Variants in PDZK1 observed in about 807,000 individuals in gnomAD.
PDZK1 encodes the protein PDZ domain containing 1.
A neutral mutation model predicts 38.1 loss-of-function variants in PDZK1; 23 were observed. The observed-to-expected ratio is 0.60, with a 90% CI of 0.43 to 0.85. The LOEUF is 0.85. Among genes scored for constraint, PDZK1 ranks in the 40% least tolerant of loss-of-function variants. PDZK1 has a pLI of 0.00. For synonymous variants in PDZK1, 98 were observed against 186.2 expected (o/e 0.53, Z 3.86); for missense variants, 297 against 504.3 (o/e 0.59, Z 3.94).
chr1:145,702,997 T>C (rs1458614822), intron 1 of PDZK1, among the ~76,000 whole-genome samples: 2 of 152,324 alleles, frequency 1.3e-5, no homozygotes, highest in African/African-American at 4.8e-5. Flanking sequence ...GGTCTATGCA[T>C]GGTCACCCAC....
intron 1 of PDZK1, among the ~76,000 whole-genome samples, chr1:145,696,744 A>T (rs1465089407): frequency 1.3e-5 from 2 of 152,200 alleles, no homozygotes; most frequent in African/African-American, 4.8e-5. Flanking sequence ...GTGTGTTTGA[A>T]AGGGAATGTG....
chr1:145,677,910 T>TAAAAAAAAAAA (rs71077285), intron 6 of PDZK1, among the ~76,000 whole-genome samples: 4 of 68,586 alleles, frequency 5.8e-5, no homozygotes, highest in African/African-American at 5.7e-5. Flanking sequence ...GTGTTAAAAG[T>TAAAAAAAAAAA]AAAAAAAAAA....
At chr1:145,687,450 G>A (rs1300104569) in intron 2 of PDZK1, among the ~76,000 whole-genome samples, 3 of 148,734 alleles carry the variant, frequency 2.0e-5, no homozygotes, top group Admixed American at 1.3e-4. Context: ...GCATGAACCC[G>A]GGAGGTAGAG....
At chr1:145,672,035 T>G (rs1653117259) in intron 8 of PDZK1, among the ~76,000 whole-genome samples, 1 of 152,160 alleles carries the variant, frequency 6.6e-6, no homozygotes, top group African/African-American at 2.4e-5. Flanking sequence ...GAGTCTCGGC[T>G]TTGCTATAAA....
At chr1:145,694,955 A>G (rs1655541712) in intron 1 of PDZK1, among the ~76,000 whole-genome samples, 1 of 151,484 alleles carries the variant, frequency 6.6e-6, no homozygotes, top group African/African-American at 2.4e-5. Flanking sequence ...TTGTGAGCAG[A>G]GTATAAGTGA....
intron 1 of PDZK1, among the ~76,000 whole-genome samples, chr1:145,705,905 C>A (rs918789361): frequency 6.6e-6 from 1 of 152,112 alleles, no homozygotes; most frequent in Non-Finnish European, 1.5e-5. Flanking sequence ...CACATGCCAC[C>A]ATGCAGGATT....
rs1344858349 is a variant in PDZK1 at position 145,682,727 on chromosome 1, G to C, written c.461-91C>G. On this transcript the variant is annotated intron_variant, in intron 3 of 8. Coordinates refer to ENST00000417171, the MANE Select transcript of PDZK1 (RefSeq NM_001201325.2). ...TGATGTTGACTTCTGATTAGCCCCA[G>C]TCCTGTGATTGCCTCCCGATTTCTA... is the stretch of plus-strand genomic sequence containing the variant. 2.2e-6 allele frequency: 3 copies of C among 1,377,362 alleles called. No individual in the cohort carries two copies. The African/African-American group carries it at 4.3e-5, about 20-fold the overall frequency. 85.3% of individuals were successfully genotyped at this position (1,377,362 alleles called of 1,614,324 possible). A position where few individuals can be genotyped will look rare whatever the true frequency, so the allele number is the denominator to read the frequency against.
At chr1:145,690,111 C>T (rs1306826841) in intron 1 of PDZK1, among the ~76,000 whole-genome samples, 6 of 152,176 alleles carry the variant, frequency 3.9e-5, no homozygotes, top group African/African-American at 1.2e-4. Context: ...AAAGCCATGA[C>T]CAGCTGCCAG....
chr1:145,704,137 C>G (rs188032854), intron 1 of PDZK1, among the ~76,000 whole-genome samples: 30 of 152,192 alleles, frequency 2.0e-4, no homozygotes, highest in African/African-American at 6.7e-4. Flanking sequence ...CCAAGATAAG[C>G]TTTCTTAAGA....
intron 2 of PDZK1, among the ~76,000 whole-genome samples, chr1:145,687,308 A>G (rs1246648761): frequency 1.3e-5 from 2 of 151,412 alleles, no homozygotes; most frequent in African/African-American, 4.9e-5. Context: ...TCACGAGGTC[A>G]GGAGATCGAG....
At chr1:145,701,353 G>C (rs1461526885) in intron 1 of PDZK1, among the ~76,000 whole-genome samples, 2 of 151,078 alleles carry the variant, frequency 1.3e-5, no homozygotes, top group Non-Finnish European at 2.9e-5. Flanking sequence ...GAAAAGAAAG[G>C]GCAGGGTCTC....
chr1:145,693,073 T>A (rs782796074), intron 1 of PDZK1, among the ~76,000 whole-genome samples: 6 of 152,022 alleles, frequency 3.9e-5, no homozygotes, highest in Non-Finnish European at 8.8e-5. Flanking sequence ...GGGCCAGGGG[T>A]AAGTAAATTC....
At chr1:145,680,318 A>G (rs1654108031) in intron 5 of PDZK1, among the ~76,000 whole-genome samples, 1 of 152,168 alleles carries the variant, frequency 6.6e-6, no homozygotes, top group African/African-American at 2.4e-5. Context: ...AGTGAAAAGA[A>G]AATAACAACT....
Position 145,687,983 on chromosome 1 carries a change from G to C in PDZK1, c.39C>G (p.Ser13=), listed in dbSNP as rs150154026. The C allele has an allele frequency of 6.0e-5, 97 of 1,612,432 alleles. No homozygotes were observed. Among genetic ancestry groups the C allele is most frequent in the Non-Finnish European group, 7.1e-5 (84 of 1,179,632 alleles). ...STFNPRECKL[S]KQEGQNYGFF... is the part of the protein sequence containing the mutation. ...AGCCATAGTTTTGCCCTTCTTGCTT[G>C]GACAGTTTACATTCTCGGGGGTTGA... The change falls in exon 2 of 9, where the codon TCC becomes TCG. Residue 13 remains serine, a synonymous_variant. Transcript: ENST00000417171.
chr1:145,703,248 A>G (rs920358306), intron 1 of PDZK1, among the ~76,000 whole-genome samples: 2 of 152,186 alleles, frequency 1.3e-5, no homozygotes, highest in Non-Finnish European at 2.9e-5. Flanking sequence ...GGCAGGTATC[A>G]GGGCTCAACC....
intron 3 of PDZK1, among the ~76,000 whole-genome samples, chr1:145,683,106 A>C (rs1329340786): frequency 6.6e-6 from 1 of 152,216 alleles, no homozygotes; most frequent in Non-Finnish European, 1.5e-5. Context: ...CTCCATTGCA[A>C]AGAAAAACTC....
rs75269632 is a variant in PDZK1 at position 145,685,077 on chromosome 1, G to A, written c.460+1400C>T. On this transcript the variant is annotated intron_variant, in intron 3 of 8. Transcript: ENST00000417171. The stretch of plus-strand genomic sequence containing the variant: ...CAAACAGAGGATTCATGTCCAAGAC[G>A]GGGCAGGACAGCACAAGATTTCATT... 4.0e-4 allele frequency among the ~76,000 whole-genome samples: 61 copies of A among 152,158 alleles called. 1 individual carries two copies. In the East Asian group the frequency reaches 0.011, roughly 28 times the overall value.
chr1:145,676,840 AACCTCTTCC>A (rs1653731783), intron 6 of PDZK1, among the ~76,000 whole-genome samples: 1 of 152,042 alleles, frequency 6.6e-6, no homozygotes, highest in Non-Finnish European at 1.5e-5. Context: ...TGGCTTCCAA[AACCTCTTCC>A]CTGGTTACCC....
chr1:145,697,366 AAGAG>A (rs782275602), intron 1 of PDZK1, among the ~76,000 whole-genome samples: 6 of 152,154 alleles, frequency 3.9e-5, no homozygotes, highest in South Asian at 4.2e-4. Flanking sequence ...GAGAAAGAGA[AAGAG>A]AGAAAAGAAA....
Sources: allele counts gnomAD v4.1 joint callset (sites outside exome capture counted in the v4.1 genomes callset), GRCh38; gene constraint gnomAD v4.1.1; transcripts MANE v1.5; gene names NCBI Gene and HGNC (gene_info 2026-07-23, HGNC 2026-07-21).